SLC5A5: variants seen among roughly 807,000 people sequenced by gnomAD.
The protein encoded by SLC5A5 is sodium/iodide cotransporter.
In SLC5A5, 56 loss-of-function variants were observed where a neutral mutation model predicts 68.6. That is an observed-to-expected ratio of 0.82 (90% CI 0.66 to 1.02). SLC5A5 has a LOEUF of 1.02. Ranked by LOEUF, SLC5A5 falls within the 50% of genes least tolerant of loss-of-function variation. The probability of loss-of-function intolerance (pLI) is 0.00; values close to 1 mark genes in which losing one functional copy is unlikely to be tolerated. For synonymous variants in SLC5A5, 398 were observed against 373.0 expected, an observed-to-expected ratio of 1.07 and a Z score of -0.77; for missense variants, 807 against 859.8, an observed-to-expected ratio of 0.94 and a Z score of 0.77.
chr19:17,882,842 CCTGA>C (rs1271916263), intron 10 of SLC5A5, among the ~76,000 whole-genome samples: 18 of 152,166 alleles, frequency 1.2e-4, no homozygotes, highest in Non-Finnish European at 2.2e-4. Context: ...CGCCACCACG[CCTGA>C]CTAATTTTTT....
rs1175129581 is a variant in SLC5A5 at position 17,880,916 on chromosome 19, G to A, written c.1021G>A (p.Gly341Arg). ...CTTCGAAGATCTGCCTGGAGTCCCC[G>A]GGCTTTTCCTGGCCTGTGCTTACAG... ...DIFEDLPGVPGLFLACAYSGT... is the reference protein window; with the variant it reads ...DIFEDLPGVPRLFLACAYSGT... The change falls in exon 8 of 15, where the codon GGG becomes AGG. Residue 341 changes from glycine (G) to arginine (R), a missense_variant. Coordinates refer to ENST00000222248, the MANE Select transcript of SLC5A5 (RefSeq NM_000453.3). 9.3e-6 allele frequency: 15 copies of A among 1,613,954 alleles called. No homozygotes were observed. The highest frequency in any genetic ancestry group is 2.2e-5 in the East Asian group (1 of 44,868).
chr19:17,874,144 G>A lies in SLC5A5; in HGVS notation c.364G>A (p.Glu122Lys). 6.2e-7 allele frequency: 1 copy of A among 1,612,008 alleles called. No homozygotes were observed. The highest frequency in any genetic ancestry group is 8.5e-7 in the Non-Finnish European group (1 of 1,178,508). Reference sequence around the variant, plus strand: ...CTCGAGTCCCTCCTTGCAGTACCTGGAGATGCGCTTCAGCCGCGCAGTGCG... The same window carrying A: ...CTCGAGTCCCTCCTTGCAGTACCTGAAGATGCGCTTCAGCCGCGCAGTGCG... ...LGLTSTYEYL[E>K]MRFSRAVRLC... Residue 122 changes from glutamate to lysine, a missense_variant, in exon 2 of 15, where the codon GAG becomes AAG. Coordinates refer to ENST00000222248, the MANE Select transcript of SLC5A5 (RefSeq NM_000453.3).
At chr19:17,874,845 C>T (rs1177997524) in intron 4 of SLC5A5, 114 bp downstream of exon 4, 1 of 935,594 alleles carries the variant, frequency 1.1e-6, no homozygotes, top group Non-Finnish European at 1.7e-6. Context: ...CAGCTGGGAC[C>T]CAGTGTCCTC....
intron 5 of SLC5A5, 59 bp downstream of exon 5, chr19:17,876,165 C>T: frequency 6.3e-7 from 1 of 1,578,180 alleles, no homozygotes; most frequent in Non-Finnish European, 8.7e-7. Context: ...TGCGGTGGCT[C>T]ATGCCTGTAA....
Position 17,884,038 on chromosome 19 carries a change from G to A in SLC5A5, c.1518G>A (p.Arg506=). 1 of 1,564,734 alleles carries A rather than the reference G, an allele frequency of 6.4e-7. No individual in the cohort carries two copies. Among genetic ancestry groups the A allele is most frequent in the Non-Finnish European group, 8.6e-7 (1 of 1,157,520 alleles). ...PALLPANDSS[R]APSSGMDASR... The stretch of plus-strand genomic sequence containing the variant: ...TCCTCCCTGCTAACGACTCCAGCAG[G>A]GCCCCCAGGTGAGCAGACTTGAGGG... Residue 506 remains arginine, a synonymous_variant, in exon 12 of 15, where the codon AGG becomes AGA. Coordinates refer to ENST00000222248, the MANE Select transcript of SLC5A5 (RefSeq NM_000453.3).
chr19:17,893,914 G>C lies in SLC5A5; in HGVS notation c.*37G>C. On this transcript the variant is annotated 3_prime_UTR_variant, in exon 15 of 15. Transcript: ENST00000222248. ...GCCGCGGGACTGACACCCTGGGATG[G>C]AACCTCAGGATGGGCCAAACCCAGA... is the stretch of plus-strand genomic sequence containing the variant. 1 of 1,546,004 alleles carries C rather than the reference G, an allele frequency of 6.5e-7. No homozygotes were observed. The highest frequency in any genetic ancestry group is 8.8e-7 in the Non-Finnish European group (1 of 1,141,678).
At position 17,880,899 on chromosome 19, in the gene SLC5A5, A is replaced by G; in HGVS notation, c.1004A>G (p.Asp335Gly). 6.2e-7 allele frequency: 1 copy of G among 1,613,966 alleles called. No homozygotes were observed. Among genetic ancestry groups the G allele is most frequent in the Non-Finnish European group, 8.5e-7 (1 of 1,179,988 alleles). ...MPLLVLDIFE[D>G]LPGVPGLFLA... The stretch of plus-strand genomic sequence containing the variant: ...CTGCTGGTGCTGGACATCTTCGAAG[A>G]TCTGCCTGGAGTCCCCGGGCTTTTC... The change falls in exon 8 of 15, where the codon GAT becomes GGT. Residue 335 changes from aspartate to glycine, a missense_variant. Coordinates refer to ENST00000222248, the MANE Select transcript of SLC5A5 (RefSeq NM_000453.3).
chr19:17,888,514 C>A (rs1252543644), intron 13 of SLC5A5, 59 bp downstream of exon 13: 23 of 1,600,024 alleles, frequency 1.4e-5, no homozygotes, highest in Non-Finnish European at 1.9e-5. Flanking sequence ...TGCCTCAAGG[C>A]TCCACCCAGC....
chr19:17,879,083 A>G (rs7255433), intron 7 of SLC5A5, among the ~76,000 whole-genome samples: 44,151 of 150,624 alleles, frequency 0.29, 8,033 homozygotes, highest in African/African-American at 0.51. Context: ...ACCTGAGGTC[A>G]TGAGTTGAAG....
intron 5 of SLC5A5, among the ~76,000 whole-genome samples, chr19:17,876,945 C>T (rs1238517346): frequency 5.3e-5 from 8 of 151,222 alleles, no homozygotes; most frequent in African/African-American, 1.9e-4. Flanking sequence ...GCAGGAGAAT[C>T]GCTTGAACCC....
At chr19:17,878,966 C>A (rs1368934895) in intron 7 of SLC5A5, among the ~76,000 whole-genome samples, 2 of 110,532 alleles carry the variant, frequency 1.8e-5, no homozygotes, top group Non-Finnish European at 3.7e-5. Flanking sequence ...CAGAGAGAGA[C>A]TCCATCTCAA....
At chr19:17,892,600 G>T (rs767799001) in intron 14 of SLC5A5, among the ~76,000 whole-genome samples, 1 of 149,662 alleles carries the variant, frequency 6.7e-6, no homozygotes, top group Non-Finnish European at 1.5e-5. Context: ...TTGTGCCATT[G>T]CACTCCAGCC....
intron 12 of SLC5A5, among the ~76,000 whole-genome samples, chr19:17,884,574 C>A (rs1362921315): frequency 6.6e-6 from 1 of 151,338 alleles, no homozygotes; most frequent in Non-Finnish European, 1.5e-5. Context: ...GAGTTCAAGA[C>A]CAGCTTGATC....
chr19:17,883,310 G>A (rs1018016208), intron 10 of SLC5A5, among the ~76,000 whole-genome samples: 2 of 147,052 alleles, frequency 1.4e-5, no homozygotes, highest in East Asian at 3.9e-4. Context: ...GGGGGAATTG[G>A]GAAGGGGGAG....
At chr19:17,879,216 C>T (rs1450442345) in intron 7 of SLC5A5, among the ~76,000 whole-genome samples, 1 of 152,050 alleles carries the variant, frequency 6.6e-6, no homozygotes, top group African/African-American at 2.4e-5. Context: ...TAGCTTAAAC[C>T]TGGGAGGCGG....
intron 6 of SLC5A5, 25 bp downstream of exon 6, chr19:17,877,888 G>C: frequency 6.2e-7 from 1 of 1,613,874 alleles, no homozygotes; most frequent in Non-Finnish European, 8.5e-7. Context: ...GAGCAAGGTC[G>C]GGGTTTCTGG....
In SLC5A5 at chr19:17,872,053, G is replaced by A; in HGVS notation, c.-267G>A. The A allele has an allele frequency of 1.9e-6, 1 of 519,038 alleles. No individual in the cohort carries two copies. Among genetic ancestry groups the A allele is most frequent in the Non-Finnish European group, 3.4e-6 (1 of 290,902 alleles). 32.2% of individuals were successfully genotyped at this position (519,038 alleles called of 1,614,324 possible). A position where few individuals can be genotyped will look rare whatever the true frequency, so the allele number is the denominator to read the frequency against. ...GACAGCGGAACCCAGAGTGAGAGGG[G>A]AGGTGGCAGGACAGACAGACAGCAG... On this transcript the variant is annotated 5_prime_UTR_variant, in exon 1 of 15. Transcript: ENST00000222248.
At position 17,874,627 on chromosome 19, in the gene SLC5A5, G is replaced by T. The variant is rs748355026; in HGVS notation, c.476-37G>T. ...GAACCCAAGACTAAGTTTGCGCCCC[G>T]CCCAGGGGCCTAACAGGGGGACCTC... On this transcript the variant is annotated intron_variant, in intron 3 of 14. Transcript: ENST00000222248. 2.5e-6 allele frequency: 4 copies of T among 1,613,528 alleles called. No individual in the cohort carries two copies. The African/African-American group carries it at 5.3e-5, about 22-fold the overall frequency.
chr19:17,893,606 C>A, intron 14 of SLC5A5, 107 bp from the exon 15 acceptor site: 1 of 1,114,350 alleles, frequency 9.0e-7, no homozygotes, highest in Non-Finnish European at 1.3e-6. Context: ...ATTCTGTGCA[C>A]GCCCCGTCCC....
Sources: allele counts gnomAD v4.1 joint callset (sites outside exome capture counted in the v4.1 genomes callset), GRCh38; gene constraint gnomAD v4.1.1; transcripts MANE v1.5; gene names NCBI Gene and HGNC (gene_info 2026-07-23, HGNC 2026-07-21).